The following KIF16B variants were observed in gnomAD, a reference collection of about 807,000 sequenced individuals.
KIF16B encodes the protein kinesin-like protein KIF16B.
A neutral mutation model predicts 156.3 loss-of-function variants in KIF16B; 98 were observed. The observed-to-expected ratio is 0.63, with a 90% confidence interval of 0.53 to 0.74. The LOEUF is 0.74. Among genes scored for constraint, KIF16B ranks in the 30% least tolerant of loss-of-function variants. The pLI is 0.00. For synonymous variants in KIF16B, 564 were observed against 583.7 expected (o/e 0.97, Z 0.49); for missense variants, 1,421 against 1,606.5 (o/e 0.88, Z 1.97).
chr20:16,368,507 C>A (rs115056831), intron 22 of KIF16B: 1 of 986,224 alleles, frequency 1.0e-6, no homozygotes, highest in South Asian at 4.7e-5. Context: ...AGATTCCCCA[C>A]AAGCCTGGCT....
rs527467928 is a variant in KIF16B, at chr20:16,531,343, G to A, written c.48-2903C>T. Among the ~76,000 whole-genome samples the A allele has an allele frequency of 3.4e-4, 52 of 152,270 alleles. No individual in the cohort carries two copies. The South Asian group carries it at 4.8e-3, about 14-fold the overall frequency. ...TTCAAGTAACCAAACAACTGTGAAA[G>A]AAAGTTTCTCCTTTAGAGATATTCC... On this transcript the variant is annotated intron_variant, in intron 1 of 25. Transcript: ENST00000354981.
intron 25 of KIF16B, among the ~76,000 whole-genome samples, chr20:16,311,466 C>T (rs893077286): frequency 5.9e-5 from 9 of 152,174 alleles, no homozygotes; most frequent in African/African-American, 1.7e-4. Context: ...CCAGCCTGGG[C>T]AACAGAGCGA....
At position 16,428,997 on chromosome 20, in the gene KIF16B, T is replaced by C; in HGVS notation, c.1430A>G (p.Gln477Arg). ...AGCATCGTCTCTACCAACGTATGTC[T>C]GACCTTCCTGGGAAGAAAACCCAAG... Reference protein sequence around the residue: ...GIILYHLKEGQTYVGRDDAST... With the variant: ...GIILYHLKEGRTYVGRDDAST... The change falls in exon 14 of 26, where the codon CAG becomes CGG. Residue 477 changes from glutamine (Q) to arginine (R), a missense_variant. Transcript: ENST00000354981. 6.2e-7 allele frequency: 1 copy of C among 1,612,974 alleles called. No individual in the cohort carries two copies. Among genetic ancestry groups the C allele is most frequent in the Non-Finnish European group, 8.5e-7 (1 of 1,179,096 alleles).
At chr20:16,498,275 G>A (rs1028454116) in intron 10 of KIF16B, among the ~76,000 whole-genome samples, 5 of 152,198 alleles carry the variant, frequency 3.3e-5, no homozygotes, top group African/African-American at 1.2e-4. Context: ...ACGGAATCAG[G>A]CTGGGGCTTA....
At chr20:16,520,530 C>A (rs2069307753) in intron 3 of KIF16B, among the ~76,000 whole-genome samples, 1 of 152,232 alleles carries the variant, frequency 6.6e-6, no homozygotes, top group African/African-American at 2.4e-5. Flanking sequence ...TAGCCCCAGT[C>A]AGGGGCTTAT....
intron 10 of KIF16B, among the ~76,000 whole-genome samples, chr20:16,499,939 T>C (rs893246647): frequency 6.6e-6 from 1 of 152,206 alleles, no homozygotes; most frequent in Non-Finnish European, 1.5e-5. Context: ...TCAGATTAAG[T>C]TCATACGTTG....
At chr20:16,547,420 A>T (rs1346263054) in intron 1 of KIF16B, among the ~76,000 whole-genome samples, 1 of 152,242 alleles carries the variant, frequency 6.6e-6, no homozygotes, top group African/African-American at 2.4e-5. Context: ...CACCAAGGAG[A>T]GACCTGACTT....
At chr20:16,431,147 C>T (rs1464688800) in intron 12 of KIF16B, among the ~76,000 whole-genome samples, 1 of 152,010 alleles carries the variant, frequency 6.6e-6, no homozygotes, top group Non-Finnish European at 1.5e-5. Flanking sequence ...ATCAAGCCAC[C>T]CGCAGCACGT....
intron 24 of KIF16B, among the ~76,000 whole-genome samples, chr20:16,326,562 T>C (rs564581000): frequency 6.6e-6 from 1 of 151,780 alleles, no homozygotes; most frequent in African/African-American, 2.4e-5. Context: ...AACAAACTTA[T>C]GAAAAAATGC....
In KIF16B at chr20:16,463,945, A is replaced by G. The variant is rs533195820; in HGVS notation, c.1302+30346T>C. Among the ~76,000 whole-genome samples the G allele has an allele frequency of 5.9e-5, 9 of 152,296 alleles. No homozygotes were observed. In the South Asian group the frequency reaches 1.0e-3, roughly 18 times the overall value. Reference sequence around the variant, plus strand: ...CACTGCTAAAGCAATTCTCCTTTCAATCTCCTCAACTCTTCTGCCTGAAAA... The same window carrying G: ...CACTGCTAAAGCAATTCTCCTTTCAGTCTCCTCAACTCTTCTGCCTGAAAA... On this transcript the variant is annotated intron_variant, in intron 12 of 25. Transcript: ENST00000354981.
At chr20:16,382,159 AAGAG>A in intron 17 of KIF16B, 1 of 1,287,422 alleles carries the variant, frequency 7.8e-7, no homozygotes, top group Non-Finnish European at 1.0e-6. Context: ...GAGAGAGAGA[AAGAG>A]AGAGAGAGCA....
At chr20:16,364,178 C>CA (rs1455785558) in intron 22 of KIF16B, among the ~76,000 whole-genome samples, 7 of 152,182 alleles carry the variant, frequency 4.6e-5, no homozygotes, top group Admixed American at 4.6e-4. Context: ...AACAGGGAGA[C>CA]ACACTGTTTT....
chr20:16,344,833 G>C (rs942919073), intron 23 of KIF16B, among the ~76,000 whole-genome samples: 1 of 152,148 alleles, frequency 6.6e-6, no homozygotes, highest in African/African-American at 2.4e-5. Context: ...GAGATGATTA[G>C]AGTCACCTAA....
At chr20:16,458,550 C>T (rs372551127) in intron 12 of KIF16B, among the ~76,000 whole-genome samples, 5 of 152,156 alleles carry the variant, frequency 3.3e-5, no homozygotes, top group African/African-American at 1.2e-4. Flanking sequence ...AAAACTCTGT[C>T]TTTATGAATA....
chr20:16,349,554 G>C (rs2064295724), intron 23 of KIF16B, among the ~76,000 whole-genome samples: 1 of 152,132 alleles, frequency 6.6e-6, no homozygotes, highest in Non-Finnish European at 1.5e-5. Context: ...GGCAAATCTG[G>C]GTTTCTATGT....
At chr20:16,443,875 T>C (rs140789652) in intron 12 of KIF16B, among the ~76,000 whole-genome samples, 18 of 152,358 alleles carry the variant, frequency 1.2e-4, no homozygotes, top group Non-Finnish European at 2.2e-4. Context: ...GCTAAGGTTA[T>C]AGAACTTGTC....
At chr20:16,455,645 G>A (rs368001418) in intron 12 of KIF16B, among the ~76,000 whole-genome samples, 2 of 152,122 alleles carry the variant, frequency 1.3e-5, no homozygotes, top group African/African-American at 2.4e-5. Context: ...GGTCCAACAC[G>A]ATTTTGCATA....
intron 15 of KIF16B, among the ~76,000 whole-genome samples, chr20:16,410,096 T>TATATATGTAGGTAC (rs2065902587): frequency 1.1e-4 from 10 of 91,460 alleles, no homozygotes; most frequent in South Asian, 3.2e-4. Flanking sequence ...TGTAGGTACA[T>TATATATGTAGGTAC]ATATATATAT....
chr20:16,542,448 T>C (rs144697706), intron 1 of KIF16B, among the ~76,000 whole-genome samples: 208 of 152,318 alleles, frequency 1.4e-3, no homozygotes, highest in East Asian at 4.8e-3. Flanking sequence ...AAAATAATAC[T>C]CTATCATTTT....
Sources: allele counts gnomAD v4.1 joint callset (sites outside exome capture counted in the v4.1 genomes callset), GRCh38; gene constraint gnomAD v4.1.1; transcripts MANE v1.5; gene names NCBI Gene and HGNC (gene_info 2026-07-23, HGNC 2026-07-21).